PUS10: variants seen among roughly 807,000 people sequenced by gnomAD.
PUS10 encodes the protein tRNA pseudouridine synthase Pus10.
A neutral mutation model predicts 75.0 loss-of-function variants in PUS10; 59 were observed. That is an observed-to-expected ratio of 0.79 (90% CI 0.64 to 0.98). PUS10 has a LOEUF of 0.98. PUS10 is among the 50% of genes least tolerant of loss of function. The probability of loss-of-function intolerance (pLI) is 0.00; values close to 1 mark genes in which losing one functional copy is unlikely to be tolerated. For missense variants in PUS10, 650 were observed against 614.4 expected (o/e 1.06, Z -0.61); for synonymous variants, 219 against 211.6 (o/e 1.03, Z -0.30).
At chr2:60,982,556 C>A (rs966199657) in intron 4 of PUS10, among the ~76,000 whole-genome samples, 9 of 152,072 alleles carry the variant, frequency 5.9e-5, no homozygotes, top group African/African-American at 1.9e-4. Flanking sequence ...AGCCACCATG[C>A]CTGGCCAGAT....
rs1680130393 is a variant in PUS10, at chr2:61,018,039, C to G, written c.-47G>C. ...GGACTTTAGTGTCTCACAGCTGTTTCTGACCCGGCAGCTCTAATCAGCAAC... is the reference window on the plus strand; with the variant it reads ...GGACTTTAGTGTCTCACAGCTGTTTGTGACCCGGCAGCTCTAATCAGCAAC... On this transcript the variant is annotated 5_prime_UTR_variant, in exon 1 of 18. Transcript: ENST00000316752. The G allele has an allele frequency of 2.1e-6, 3 of 1,443,890 alleles. No homozygotes were observed. The highest frequency in any genetic ancestry group is 9.2e-7 in the Non-Finnish European group (1 of 1,084,288). 89.4% of individuals were successfully genotyped at this position (1,443,890 alleles called of 1,614,324 possible).
intron 4 of PUS10, among the ~76,000 whole-genome samples, chr2:61,001,365 C>T (rs1678846423): frequency 6.6e-6 from 1 of 152,072 alleles, no homozygotes; most frequent in Non-Finnish European, 1.5e-5. Flanking sequence ...CAGCCTCCCC[C>T]TCCCGGGTTC....
chr2:60,976,671 A>T (rs532927791), intron 4 of PUS10, among the ~76,000 whole-genome samples: 1 of 152,254 alleles, frequency 6.6e-6, no homozygotes, highest in African/African-American at 2.4e-5. Context: ...CCAGCATGCC[A>T]GCAGATTGGA....
At chr2:60,982,220 G>A (rs1357197475) in intron 4 of PUS10, among the ~76,000 whole-genome samples, 6 of 151,968 alleles carry the variant, frequency 3.9e-5, no homozygotes, top group Non-Finnish European at 4.4e-5. Flanking sequence ...CAGAAAATCT[G>A]TCTTTATCTT....
In PUS10 at chr2:60,979,853, ACAG is replaced by A. The variant is rs1398034231; in HGVS notation, c.469-8299_469-8297del. Among the ~76,000 whole-genome samples the A allele has an allele frequency of 9.8e-5, 15 of 152,384 alleles. No homozygotes were observed. In the East Asian group the frequency reaches 2.9e-3, roughly 29 times the overall value. ...ACAAGTCAAGAGGGGAAAAGCAAGG[ACAG>A]ATCAGCATAGAATGAATCTGTGGGG... On this transcript the variant is annotated intron_variant, in intron 4 of 17. Coordinates refer to ENST00000316752, the MANE Select transcript of PUS10 (RefSeq NM_144709.4).
chr2:60,983,399 C>G (rs72809416), intron 4 of PUS10, among the ~76,000 whole-genome samples: 1 of 152,050 alleles, frequency 6.6e-6, no homozygotes, highest in Non-Finnish European at 1.5e-5. Flanking sequence ...AAAGGATAGG[C>G]TGGGCGCGGT....
At chr2:61,015,796 T>G (rs893212610) in intron 1 of PUS10, among the ~76,000 whole-genome samples, 3 of 152,204 alleles carry the variant, frequency 2.0e-5, no homozygotes, top group African/African-American at 7.2e-5. Context: ...TCTACTTTGA[T>G]GCAGAGAAGA....
chr2:61,017,895 C>A, intron 1 of PUS10, 113 bp downstream of exon 1: 1 of 1,527,698 alleles, frequency 6.5e-7, no homozygotes, highest in Non-Finnish European at 8.9e-7. Flanking sequence ...TGGGCCCGAG[C>A]GGGGACTTGG....
intron 4 of PUS10, 130 bp downstream of exon 4, chr2:61,006,427 C>T (rs949586982): frequency 4.5e-6 from 3 of 673,186 alleles, no homozygotes; most frequent in Middle Eastern, 3.6e-4. Context: ...CTATAAATTG[C>T]TTCAATCATT....
chr2:61,001,287 CTCT>C (rs1281116283), intron 4 of PUS10, among the ~76,000 whole-genome samples: 1 of 146,726 alleles, frequency 6.8e-6, no homozygotes, highest in Non-Finnish European at 1.5e-5. Context: ...CATAAGCCAC[CTCT>C]TCTTTTTTTT....
chr2:60,968,850 G>T (rs1486477132), intron 5 of PUS10, among the ~76,000 whole-genome samples: 3 of 152,016 alleles, frequency 2.0e-5, no homozygotes, highest in Non-Finnish European at 4.4e-5. Context: ...CTACATCCAA[G>T]AACTTATTCA....
At chr2:61,015,008 T>C (rs1451162212) in intron 1 of PUS10, among the ~76,000 whole-genome samples, 2 of 152,208 alleles carry the variant, frequency 1.3e-5, no homozygotes, top group East Asian at 3.8e-4. Context: ...TGCCTCTGGC[T>C]GAATTCTAAT....
intron 5 of PUS10, among the ~76,000 whole-genome samples, chr2:60,969,312 A>G (rs1234356976): frequency 6.6e-6 from 1 of 152,220 alleles, no homozygotes; most frequent in East Asian, 1.9e-4. Context: ...TAAAGCAAAT[A>G]TACTACTTAA....
Position 60,958,918 on chromosome 2 carries a change from C to A in PUS10, c.1000+1474G>T, listed in dbSNP as rs183976186. ...AAAGGTTTTCTAATTATACTAGGAG[C>A]CTCATTCCAAAGAGTAATATCATCC... On this transcript the variant is annotated intron_variant, in intron 11 of 17. Coordinates refer to ENST00000316752, the MANE Select transcript of PUS10 (RefSeq NM_144709.4). Among the ~76,000 whole-genome samples the A allele has an allele frequency of 8.5e-5, 13 of 152,186 alleles. No individual in the cohort carries two copies. The East Asian group carries it at 2.5e-3, about 29-fold the overall frequency.
At chr2:60,955,885 G>A (rs1675617043) in intron 11 of PUS10, among the ~76,000 whole-genome samples, 3 of 151,406 alleles carry the variant, frequency 2.0e-5, no homozygotes, top group Non-Finnish European at 1.5e-5. Context: ...TCTTTCCTTA[G>A]AACAAAGCAA....
Position 60,960,442 on chromosome 2 carries a change from G to T in PUS10, c.950C>A (p.Ser317Ter). The part of the protein sequence containing the change: ...IIDGERKLES[S>*]VEELISDHLL... ...ATGATCTGAAATTAATTCTTCCACTGAAGATTCCAGCTTCCTTTCTCCATC... is the reference window on the plus strand; with the variant it reads ...ATGATCTGAAATTAATTCTTCCACTTAAGATTCCAGCTTCCTTTCTCCATC... The change falls in exon 11 of 18, where the codon TCA becomes TAA. Residue 317 changes from serine to a stop codon, truncating the protein, a stop_gained. Transcript: ENST00000316752. LOFTEE classifies it high-confidence loss of function. The T allele has an allele frequency of 6.3e-7, 1 of 1,575,726 alleles. No homozygotes were observed. The highest frequency in any genetic ancestry group is 1.2e-5 in the South Asian group (1 of 84,138).
At chr2:60,957,810 G>A (rs1207449517) in intron 11 of PUS10, among the ~76,000 whole-genome samples, 1 of 152,242 alleles carries the variant, frequency 6.6e-6, no homozygotes, top group Non-Finnish European at 1.5e-5. Flanking sequence ...GAGTATAAGG[G>A]AAATGGCTGT....
At chr2:60,960,343 C>CAAA (rs375391646) in intron 11 of PUS10, 49 bp downstream of exon 11, 1,715 of 1,138,454 alleles carry the variant, frequency 1.5e-3, no homozygotes, top group Middle Eastern at 1.9e-3. Context: ...GCCCCTATCT[C>CAAA]AAAAAAAAAA....
chr2:60,988,420 G>T (rs1455973375), intron 4 of PUS10, among the ~76,000 whole-genome samples: 1 of 151,858 alleles, frequency 6.6e-6, no homozygotes, highest in Non-Finnish European at 1.5e-5. Flanking sequence ...TTCCATTAGG[G>T]TTGCTTTAGT....
Sources: gnomAD v4.1 joint callset for allele counts (sites outside exome capture counted in the v4.1 genomes callset) on GRCh38, gnomAD v4.1.1 for gene constraint, MANE v1.5 for transcripts, NCBI Gene and HGNC (gene_info 2026-07-23, HGNC 2026-07-21) for gene names.